Variants in GRM2 observed in about 807,000 individuals in gnomAD.
GRM2 encodes the protein glutamate metabotropic receptor 2.
A neutral mutation model predicts 60.4 loss-of-function variants in GRM2; 35 were observed. The ratio of observed to expected loss-of-function variants is 0.58; its 90% CI spans 0.44 to 0.77. The LOEUF is 0.77. Among genes scored for constraint, GRM2 ranks in the 30% least tolerant of loss-of-function variants. The pLI is 0.00. For synonymous variants in GRM2, 437 were observed against 484.1 expected (o/e 0.90, Z 1.28); for missense variants, 925 against 1,199.5 (o/e 0.77, Z 3.38).
At position 51,718,273 on chromosome 3, in the gene GRM2, A is replaced by G; in HGVS notation, c.*161A>G. On this transcript the variant is annotated 3_prime_UTR_variant, in exon 6 of 6. Transcript: ENST00000395052. This position sits in a 1 kb window ranked among gnomAD's most constrained non-coding sequence, Gnocchi z 4.2. The stretch of plus-strand genomic sequence containing the variant: ...CCACCTCCTTACCCCAGCTCTTCAG[A>G]CTCAGAAGTCAGGAGCCTTGGCCAG... 1.5e-6 allele frequency: 1 copy of G among 679,052 alleles called. No homozygotes were observed. The highest frequency in any genetic ancestry group is 2.7e-6 in the Non-Finnish European group (1 of 375,816). 42.1% of individuals were successfully genotyped at this position (679,052 alleles called of 1,614,324 possible).
chr3:51,715,566 T>C lies in GRM2; in HGVS notation c.1793T>C (p.Val598Ala). 1 of 1,614,090 alleles carries C rather than the reference T, an allele frequency of 6.2e-7. No homozygotes were observed. The highest frequency in any genetic ancestry group is 8.5e-7 in the Non-Finnish European group (1 of 1,180,032). ...GTGCGGCACAATGCCACACCAGTGG[T>C]CAAGGCCTCAGGTCGGGAGCTCTGC... ...VFVRHNATPV[V>A]KASGRELCYI... Residue 598 changes from valine to alanine, a missense_variant, in exon 4 of 6, where the codon GTC (valine) becomes GCC (alanine). Val to Ala is a moderately conservative substitution (Grantham distance 64). Transcript: ENST00000395052. This position sits in a 1 kb window ranked among gnomAD's most constrained non-coding sequence, Gnocchi z 9.0.
In GRM2 at chr3:51,709,149, C is replaced by G. The variant is rs770111317; in HGVS notation, c.166C>G (p.His56Asp). Residue 56 changes from histidine to aspartate, a missense_variant, in exon 2 of 6, where the codon CAC (histidine) becomes GAC (aspartate). By Grantham distance (81) the His-to-Asp change is moderately conservative (BLOSUM62 -1). Coordinates refer to ENST00000395052, the MANE Select transcript of GRM2 (RefSeq NM_000839.5). ...AGAGGACTGTGGTCCTGTCAATGAG[C>G]ACCGTGGCATCCAGCGCCTGGAGGC... Reference protein sequence around the residue: ...PAEDCGPVNEHRGIQRLEAML... With the variant: ...PAEDCGPVNEDRGIQRLEAML... The G allele has an allele frequency of 3.5e-5, 56 of 1,612,500 alleles. No individual in the cohort carries two copies. Among genetic ancestry groups the G allele is most frequent in the Non-Finnish European group, 4.7e-5 (56 of 1,179,636 alleles).
In GRM2 at chr3:51,715,782, G is replaced by A. The variant is rs1266544666; in HGVS notation, c.2009G>A (p.Arg670Gln). 8.1e-6 allele frequency: 13 copies of A among 1,613,290 alleles called. No homozygotes were observed. The highest frequency in any genetic ancestry group is 1.6e-4 in the Middle Eastern group (1 of 6,082). The change falls in exon 4 of 6, where the codon CGG becomes CAG. Residue 670 changes from arginine (R) to glutamine (Q), a missense_variant. Transcript: ENST00000395052. The surrounding 1 kb of genome is among the most constrained non-coding windows in gnomAD (Gnocchi z 9.0). ...GGTGGGGCCCGGGAGGGTGCCCAGC[G>A]GCCACGCTTCATCAGTCCTGCCTCA... The part of the protein sequence containing the change: ...IFGGAREGAQ[R>Q]PRFISPASQV...
At position 51,715,887 on chromosome 3, in the gene GRM2, C is replaced by T. The variant is rs776851906; in HGVS notation, c.2114C>T (p.Thr705Ile). 5 of 1,613,326 alleles carry T rather than the reference C, an allele frequency of 3.1e-6. No homozygotes were observed. In the South Asian group the frequency reaches 4.4e-5, roughly 14 times the overall value. The stretch of plus-strand genomic sequence containing the variant: ...TGGCTGGTGGTGGAGGCACCGGGCA[C>T]AGGCAAGGAGACAGCCCCCGAACGG... ...VAWLVVEAPG[T>I]GKETAPERRE... is the part of the protein sequence containing the mutation. Residue 705 changes from threonine to isoleucine, a missense_variant, in exon 4 of 6, where the codon ACA becomes ATA. Coordinates refer to ENST00000395052, the MANE Select transcript of GRM2 (RefSeq NM_000839.5). This position sits in a 1 kb window ranked among gnomAD's most constrained non-coding sequence, Gnocchi z 9.0.
chr3:51,716,164 G>A lies in GRM2; in HGVS notation c.2364+27G>A, dbSNP rs755369164. ...TGAGCTACCTGCCACAGAGGTCGGG[G>A]GAGATGGGACACCAGACCCTCTGTT... On this transcript the variant is annotated intron_variant, in intron 4 of 5. Transcript: ENST00000395052. The surrounding 1 kb of genome is among the most constrained non-coding windows in gnomAD (Gnocchi z 4.0). 2 of 1,440,026 alleles carry A rather than the reference G, an allele frequency of 1.4e-6. No individual in the cohort carries two copies. Among genetic ancestry groups the A allele is most frequent in the African/African-American group, 1.4e-5 (1 of 71,824 alleles). 89.2% of individuals were successfully genotyped at this position (1,440,026 alleles called of 1,614,324 possible).
At position 51,715,001 on chromosome 3, in the gene GRM2, T is replaced by G; in HGVS notation, c.1289-61T>G. 1.9e-6 allele frequency: 2 copies of G among 1,037,478 alleles called. No individual in the cohort carries two copies. Among genetic ancestry groups the G allele is most frequent in the Non-Finnish European group, 2.9e-6 (2 of 699,614 alleles). 64.3% of individuals were successfully genotyped at this position (1,037,478 alleles called of 1,614,324 possible). On this transcript the variant is annotated intron_variant, in intron 3 of 5. Coordinates refer to ENST00000395052, the MANE Select transcript of GRM2 (RefSeq NM_000839.5). This position sits in a 1 kb window ranked among gnomAD's most constrained non-coding sequence, Gnocchi z 9.0. ...TTGGGTTCCATGTTAGGGTGAATGT[T>G]GAGGTCACATCAGGGTAACACACTA...
chr3:51,707,291 T>C (rs1243798959), intron 1 of GRM2, 124 bp downstream of exon 1: 1 of 152,690 alleles, frequency 6.5e-6, no homozygotes, highest in Non-Finnish European at 1.5e-5. Flanking sequence ...CCAGACAGCG[T>C]TCCCTGAGAG....
At position 51,713,289 on chromosome 3, in the gene GRM2, G is replaced by C. The variant is rs765006135; in HGVS notation, c.1267G>C (p.Val423Leu). The change falls in exon 3 of 6, where the codon GTG (valine) becomes CTG (leucine). Residue 423 changes from valine to leucine, a missense_variant. Coordinates refer to ENST00000395052, the MANE Select transcript of GRM2 (RefSeq NM_000839.5). This position sits in a 1 kb window ranked among gnomAD's most constrained non-coding sequence, Gnocchi z 4.8. ...VNGRRLYKDF[V>L]LNVKFDAPFR... ...CGGGCGCCGCCTCTACAAGGACTTT[G>C]TGCTCAACGTCAAGTTTGATGGTAA... The C allele has an allele frequency of 1.2e-6, 2 of 1,608,808 alleles. No individual in the cohort carries two copies. Among genetic ancestry groups the C allele is most frequent in the South Asian group, 2.2e-5 (2 of 90,880 alleles).
chr3:51,708,919 C>T lies in GRM2; in HGVS notation c.-65C>T, dbSNP rs573765643. 23 of 1,267,900 alleles carry T rather than the reference C, an allele frequency of 1.8e-5. No individual in the cohort carries two copies. In the East Asian group the frequency reaches 4.4e-4, roughly 24 times the overall value. The allele number at this position is 1,267,900 out of a possible 1,614,324, so 78.5% of individuals were successfully genotyped here. A position where few individuals can be genotyped will look rare whatever the true frequency, so the allele number is the denominator to read the frequency against. ...CCCTGTTTCCTCCTCTCTTTGCCTT[C>T]GCTGCTTCTAATCTCATCCCCTGGA... On this transcript the variant is annotated 5_prime_UTR_variant, in exon 2 of 6. Transcript: ENST00000395052.
At position 51,715,911 on chromosome 3, in the gene GRM2, G is replaced by T. The variant is rs144237630; in HGVS notation, c.2138G>T (p.Arg713Leu). 2.5e-6 allele frequency: 4 copies of T among 1,613,380 alleles called. No individual in the cohort carries two copies. The highest frequency in any genetic ancestry group is 3.4e-6 in the Non-Finnish European group (4 of 1,179,910). ...ACAGGCAAGGAGACAGCCCCCGAAC[G>T]GCGGGAGGTGGTGACACTGCGCTGC... ...PGTGKETAPERREVVTLRCNH... is the reference protein window; with the variant it reads ...PGTGKETAPELREVVTLRCNH... The change falls in exon 4 of 6, where the codon CGG becomes CTG. Residue 713 changes from arginine (R) to leucine (L), a missense_variant. Coordinates refer to ENST00000395052, the MANE Select transcript of GRM2 (RefSeq NM_000839.5). The surrounding 1 kb of genome is among the most constrained non-coding windows in gnomAD (Gnocchi z 9.0).
chr3:51,708,306 G>A (rs1313152479), intron 1 of GRM2: 1 of 152,126 alleles, frequency 6.6e-6, no homozygotes, highest in African/African-American at 2.4e-5. Context: ...AGAACCAAAG[G>A]TTAGAACCCT....
rs761080290 is a variant in GRM2, at chr3:51,712,983, T to G, written c.961T>G (p.Ser321Ala). Reference sequence around the variant, plus strand: ...GGGTGCTATCACCATCGAGCTGGCCTCCTACCCCATCAGTGACTTTGCCTC... The same window carrying G: ...GGGTGCTATCACCATCGAGCTGGCCGCCTACCCCATCAGTGACTTTGCCTC... Reference protein sequence around the residue: ...AEGAITIELASYPISDFASYF... With the variant: ...AEGAITIELAAYPISDFASYF... Residue 321 changes from serine to alanine, a missense_variant, in exon 3 of 6, where the codon TCC becomes GCC. Ser to Ala is a moderately conservative substitution (Grantham distance 99). Coordinates refer to ENST00000395052, the MANE Select transcript of GRM2 (RefSeq NM_000839.5). The surrounding 1 kb of genome is among the most constrained non-coding windows in gnomAD (Gnocchi z 5.3). The G allele has an allele frequency of 6.2e-7, 1 of 1,613,274 alleles. No individual in the cohort carries two copies. The highest frequency in any genetic ancestry group is 1.3e-5 in the African/African-American group (1 of 75,046).
intron 2 of GRM2, among the ~76,000 whole-genome samples, chr3:51,710,002 T>A (rs1490821297): frequency 1.3e-5 from 2 of 151,078 alleles, no homozygotes; most frequent in Non-Finnish European, 2.9e-5. Flanking sequence ...TTTTTTTTTC[T>A]TTTTTGAGAC....
chr3:51,715,889 G>C lies in GRM2; in HGVS notation c.2116G>C (p.Gly706Arg). Residue 706 changes from glycine to arginine, a missense_variant, in exon 4 of 6, where the codon GGC (glycine) becomes CGC (arginine). Coordinates refer to ENST00000395052, the MANE Select transcript of GRM2 (RefSeq NM_000839.5). The surrounding 1 kb of genome is among the most constrained non-coding windows in gnomAD (Gnocchi z 9.0). ...AWLVVEAPGT[G>R]KETAPERREV... Reference sequence around the variant, plus strand: ...GCTGGTGGTGGAGGCACCGGGCACAGGCAAGGAGACAGCCCCCGAACGGCG... The same window carrying C: ...GCTGGTGGTGGAGGCACCGGGCACACGCAAGGAGACAGCCCCCGAACGGCG... 1 of 1,613,450 alleles carries C rather than the reference G, an allele frequency of 6.2e-7. No homozygotes were observed. Among genetic ancestry groups the C allele is most frequent in the Non-Finnish European group, 8.5e-7 (1 of 1,179,910 alleles).
intron 3 of GRM2, chr3:51,714,097 C>T (rs1286247535): frequency 5.2e-6 from 2 of 382,898 alleles, no homozygotes; most frequent in East Asian, 7.9e-5. Context: ...AGCTTGGAAG[C>T]CCTGGCCCAG....
chr3:51,715,272 G>A lies in GRM2; in HGVS notation c.1499G>A (p.Cys500Tyr). ...PSAGPLPASR[C>Y]SEPCLQNEVK... ...GCCGGCCCCCTGCCCGCCTCTCGCT[G>A]CAGTGAGCCCTGCCTCCAGAATGAG... The change falls in exon 4 of 6, where the codon TGC becomes TAC. Residue 500 changes from cysteine to tyrosine, a missense_variant. Transcript: ENST00000395052. The surrounding 1 kb of genome is among the most constrained non-coding windows in gnomAD (Gnocchi z 9.0). 1 of 1,610,060 alleles carries A rather than the reference G, an allele frequency of 6.2e-7. No homozygotes were observed. The highest frequency in any genetic ancestry group is 8.5e-7 in the Non-Finnish European group (1 of 1,177,510).
chr3:51,714,071 G>A, intron 3 of GRM2: 1 of 418,438 alleles, frequency 2.4e-6, no homozygotes, highest in South Asian at 1.7e-5. Flanking sequence ...ATCACCGTGG[G>A]AACAGTGGGA....
At chr3:51,710,240 C>T (rs1297067833) in intron 2 of GRM2, among the ~76,000 whole-genome samples, 8 of 152,092 alleles carry the variant, frequency 5.3e-5, no homozygotes, top group African/African-American at 4.8e-5. Flanking sequence ...GTGATCCACC[C>T]GCCTCGGCCT....
intron 3 of GRM2, chr3:51,714,006 A>G (rs1387137722): frequency 2.2e-6 from 1 of 454,222 alleles, no homozygotes; most frequent in Non-Finnish European, 4.4e-6. Context: ...TTTTAATAAG[A>G]GTGCCAGCTT....
Sources: gnomAD v4.1 joint callset for allele counts (sites outside exome capture counted in the v4.1 genomes callset) on GRCh38, gnomAD v4.1.1 for gene constraint, Gnocchi (gnomAD v3.1) non-coding constraint, MANE v1.5 for transcripts, NCBI Gene and HGNC (gene_info 2026-07-23, HGNC 2026-07-21) for gene names.